SYBU: variants seen among roughly 807,000 people sequenced by gnomAD.
SYBU encodes the protein GOLSYN A protein.
Under a neutral mutation model 35.9 loss-of-function variants are expected in SYBU, and 21 were observed. The ratio of observed to expected loss-of-function variants is 0.58; its 90% CI spans 0.41 to 0.84. SYBU has a LOEUF of 0.84. Among genes scored for constraint, SYBU ranks in the 40% least tolerant of loss-of-function variants. The pLI is 0.00. For synonymous variants in SYBU, 319 were observed against 324.3 expected, an observed-to-expected ratio of 0.98 and a Z score of 0.18; for missense variants, 768 against 848.2, an observed-to-expected ratio of 0.91 and a Z score of 1.17.
chr8:109,661,233 G>C (rs1816548869), intron 1 of SYBU, among the ~76,000 whole-genome samples: 1 of 152,222 alleles, frequency 6.6e-6, no homozygotes, highest in African/African-American at 2.4e-5. Context: ...AACTTAAGAT[G>C]AAGTCTGTGG....
chr8:109,598,542 G>A (rs1425358382), intron 3 of SYBU, among the ~76,000 whole-genome samples: 2 of 152,216 alleles, frequency 1.3e-5, no homozygotes, highest in African/African-American at 2.4e-5. Context: ...AGAATTAAAC[G>A]CCATAATATG....
At chr8:109,605,469 CT>C (rs577535187) in intron 3 of SYBU, among the ~76,000 whole-genome samples, 1 of 152,192 alleles carries the variant, frequency 6.6e-6, no homozygotes, top group Non-Finnish European at 1.5e-5. Flanking sequence ...TGCTACCCCC[CT>C]GCTCCTTTTT....
intron 3 of SYBU, among the ~76,000 whole-genome samples, chr8:109,596,104 CT>C (rs1280905646): frequency 9.2e-5 from 14 of 152,272 alleles, no homozygotes; most frequent in Admixed American, 6.5e-4. Flanking sequence ...GAGGCTGAAC[CT>C]GCTGACGTGT....
intron 3 of SYBU, among the ~76,000 whole-genome samples, chr8:109,598,433 T>C (rs1825136696): frequency 6.6e-6 from 1 of 152,230 alleles, no homozygotes; most frequent in African/African-American, 2.4e-5. Context: ...CTTTCATTAA[T>C]GACAGTGTGA....
chr8:109,640,798 T>A, intron 2 of SYBU, among the ~76,000 whole-genome samples: 1 of 146,274 alleles, frequency 6.8e-6, no homozygotes, highest in African/African-American at 2.5e-5. Flanking sequence ...ATTAGCAAAT[T>A]GTTAGCAAAA....
intron 3 of SYBU, among the ~76,000 whole-genome samples, chr8:109,596,908 C>A (rs1165096118): frequency 6.6e-6 from 1 of 152,166 alleles, no homozygotes; most frequent in East Asian, 1.9e-4. Flanking sequence ...CTGTGGATCA[C>A]CTGTCCTTAC....
upstream of SYBU, among the ~76,000 whole-genome samples, chr8:109,683,780 G>A (rs1322207414): frequency 2.0e-5 from 3 of 152,116 alleles, no homozygotes; most frequent in Non-Finnish European, 4.4e-5. Flanking sequence ...GGAGTTACCT[G>A]GTGGGAGGTA....
At chr8:109,625,870 G>A (rs989981306) in intron 2 of SYBU, among the ~76,000 whole-genome samples, 4 of 152,108 alleles carry the variant, frequency 2.6e-5, no homozygotes, top group African/African-American at 9.7e-5. Flanking sequence ...TATGTGTAGT[G>A]GAATTACTAA....
intron 3 of SYBU, among the ~76,000 whole-genome samples, chr8:109,589,288 C>A (rs1823958813): frequency 6.6e-6 from 1 of 152,254 alleles, no homozygotes; most frequent in Non-Finnish European, 1.5e-5. Flanking sequence ...AGTTACTTCA[C>A]TTCTCTGTGT....
chr8:109,607,817 C>CAT, intron 3 of SYBU: 1 of 507,458 alleles, frequency 2.0e-6, no homozygotes, highest in Non-Finnish European at 3.5e-6. Context: ...CTCACACACA[C>CAT]ACACACACAC....
chr8:109,658,984 CAA>C, intron 1 of SYBU, among the ~76,000 whole-genome samples: 1 of 151,538 alleles, frequency 6.6e-6, no homozygotes, highest in Non-Finnish European at 1.5e-5. Flanking sequence ...GCAACAACAA[CAA>C]AAAAAACCTT....
rs1815405766 is a variant in SYBU, at chr8:109,644,705, A to T, written c.-46T>A. 4 of 1,479,406 alleles carry T rather than the reference A, an allele frequency of 2.7e-6. No homozygotes were observed. The highest frequency in any genetic ancestry group is 3.6e-6 in the Non-Finnish European group (4 of 1,123,398). The allele number at this position is 1,479,406 out of a possible 1,614,324, so 91.6% of individuals were successfully genotyped here. On this transcript the variant is annotated 5_prime_UTR_variant, in exon 1 of 7. Transcript: ENST00000276646. ...CCTCGCGCCGCCGCTGCCGCCGTCC[A>T]GGAGGAGGCACCTGCGAGCACGGAG...
intron 1 of SYBU, among the ~76,000 whole-genome samples, chr8:109,672,617 C>A (rs1215218270): frequency 6.6e-6 from 1 of 152,208 alleles, no homozygotes; most frequent in Non-Finnish European, 1.5e-5. Flanking sequence ...TTTGGGGAGA[C>A]AGCGAGCTAG....
At chr8:109,611,336 A>G (rs1811141075) in intron 3 of SYBU, among the ~76,000 whole-genome samples, 1 of 152,252 alleles carries the variant, frequency 6.6e-6, no homozygotes, top group Admixed American at 6.5e-5. Context: ...ATTCTTAGGG[A>G]AAAACCATTA....
chr8:109,589,870 C>T (rs1036811265), intron 3 of SYBU, among the ~76,000 whole-genome samples: 5 of 152,116 alleles, frequency 3.3e-5, no homozygotes, highest in African/African-American at 9.7e-5. Context: ...TAGAACAATC[C>T]TGAGATCTAC....
rs1236357647 is a variant in SYBU, at chr8:109,575,626, C to T, written c.1272G>A (p.Gly424=). 13 of 1,614,080 alleles carry T rather than the reference C, an allele frequency of 8.1e-6. No individual in the cohort carries two copies. The highest frequency in any genetic ancestry group is 1.6e-4 in the Middle Eastern group (1 of 6,062). The change falls in exon 7 of 7, where the codon GGG becomes GGA. Residue 424 remains glycine, a synonymous_variant. Coordinates refer to ENST00000276646, the MANE Select transcript of SYBU (RefSeq NM_001099754.2). ...CTCCTACCAGTAGCTCCCTGTCAGC[C>T]CCTTCCCCCGTGACCTGCTCTTCCA... ...LSLEEQVTGE[G]ADRELLVGDS...
chr8:109,588,668 C>G (rs1320633047), intron 3 of SYBU, among the ~76,000 whole-genome samples: 1 of 152,102 alleles, frequency 6.6e-6, no homozygotes, highest in African/African-American at 2.4e-5. Flanking sequence ...ATGTACTAAG[C>G]AAAATAACTA....
chr8:109,651,278 G>C (rs543990737), intron 1 of SYBU, among the ~76,000 whole-genome samples: 2 of 152,214 alleles, frequency 1.3e-5, no homozygotes, highest in African/African-American at 4.8e-5. Context: ...AAGTACCTGT[G>C]CCCCTTTCTA....
chr8:109,613,955 G>A (rs1811467615), intron 3 of SYBU, among the ~76,000 whole-genome samples: 1 of 152,226 alleles, frequency 6.6e-6, no homozygotes, highest in Non-Finnish European at 1.5e-5. Flanking sequence ...AGCAGGGGTA[G>A]TGTCTGATGA....
Sources: allele counts gnomAD v4.1 joint callset (sites outside exome capture counted in the v4.1 genomes callset), GRCh38; gene constraint gnomAD v4.1.1; transcripts MANE v1.5; gene names NCBI Gene and HGNC (gene_info 2026-07-23, HGNC 2026-07-21).